ADGRD1: variants seen among roughly 807,000 people sequenced by gnomAD.
The protein encoded by ADGRD1 is G-protein coupled receptor 133.
Under a neutral mutation model 113.4 loss-of-function variants are expected in ADGRD1, and 77 were observed. The ratio of observed to expected loss-of-function variants is 0.68; its 90% CI spans 0.57 to 0.82. The LOEUF is 0.82. Ranked by LOEUF, ADGRD1 falls within the 40% of genes least tolerant of loss-of-function variation. The probability of loss-of-function intolerance (pLI) is 0.00; values close to 1 mark genes in which losing one functional copy is unlikely to be tolerated. For missense variants in ADGRD1, 1,036 were observed against 1,139.1 expected (o/e 0.91, Z 1.30); for synonymous variants, 474 against 475.0 (o/e 1.00, Z 0.03).
chr12:131,067,695 TTC>T (rs1884834466), intron 13 of ADGRD1, among the ~76,000 whole-genome samples: 2 of 97,798 alleles, frequency 2.0e-5, no homozygotes. Context: ...CTGATCCTTC[TTC>T]TGAGCAGGGG....
In ADGRD1 at chr12:131,060,352, C is replaced by G. The variant is rs6486624; in HGVS notation, c.1474-16449C>G. On this transcript the variant is annotated intron_variant, in intron 13 of 24. Coordinates refer to ENST00000261654, the MANE Select transcript of ADGRD1 (RefSeq NM_198827.5). The surrounding 1 kb of genome is among the most constrained non-coding windows in gnomAD (Gnocchi z 4.4). ...ACTGCCTGTCTAGGTGGCCCCTTTC[C>G]TGGTCCTCTGTGGTTACTGGACATA... 0.87 allele frequency among the ~76,000 whole-genome samples: 133,229 copies of G among 152,310 alleles called. 58,797 individuals carry two copies. The highest frequency in any genetic ancestry group is 1 in the East Asian group (5,163 of 5,182).
At chr12:131,100,297 G>A (rs1950040538) in intron 15 of ADGRD1, among the ~76,000 whole-genome samples, 1 of 151,658 alleles carries the variant, frequency 6.6e-6, no homozygotes, top group Non-Finnish European at 1.5e-5. Flanking sequence ...TGGTGGAATT[G>A]GCTGGTAGAT....
At chr12:131,005,336 A>G (rs908388114) in intron 11 of ADGRD1, among the ~76,000 whole-genome samples, 2 of 152,222 alleles carry the variant, frequency 1.3e-5, no homozygotes, top group African/African-American at 4.8e-5. Context: ...TCCTGGCCGC[A>G]TGATCTGCTG....
intron 21 of ADGRD1, among the ~76,000 whole-genome samples, chr12:131,135,750 T>C (rs1268077713): frequency 6.6e-6 from 1 of 152,182 alleles, no homozygotes; most frequent in East Asian, 1.9e-4. Flanking sequence ...ATGCAAGCCC[T>C]GGGCCTGGAC....
rs1405000741 is a variant in ADGRD1, at chr12:131,084,103, G to T, written c.1548-437G>T. Among the ~76,000 whole-genome samples, 2 of 152,130 alleles carry T rather than the reference G, an allele frequency of 1.3e-5. No homozygotes were observed. ...TCTCTCTCCCACACTGCACTCACCC[G>T]TTTCCCCCGATGGGCATTTATGTTA... On this transcript the variant is annotated intron_variant, in intron 14 of 24. Coordinates refer to ENST00000261654, the MANE Select transcript of ADGRD1 (RefSeq NM_198827.5). The surrounding 1 kb of genome is among the most constrained non-coding windows in gnomAD (Gnocchi z 4.5).
chr12:131,031,811 C>A (rs986197178), intron 13 of ADGRD1, among the ~76,000 whole-genome samples: 3 of 152,176 alleles, frequency 2.0e-5, no homozygotes, highest in African/African-American at 7.2e-5. Flanking sequence ...GCTCTGCATA[C>A]CAAACATCCG....
In ADGRD1 at chr12:131,084,513, C is replaced by T. The variant is rs1886311105; in HGVS notation, c.1548-27C>T. The T allele has an allele frequency of 1.2e-6, 2 of 1,613,672 alleles. No individual in the cohort carries two copies. The highest frequency in any genetic ancestry group is 1.3e-5 in the African/African-American group (1 of 74,804). On this transcript the variant is annotated intron_variant, in intron 14 of 24. Transcript: ENST00000261654. This position sits in a 1 kb window ranked among gnomAD's most constrained non-coding sequence, Gnocchi z 4.5. ...CCTGCCAAGGGTGCGGTGCTACCTC[C>T]TCTGATCCTTTCTCCTGTGTCCTCA...
chr12:131,086,456 C>T (rs570372937), intron 15 of ADGRD1, among the ~76,000 whole-genome samples: 88 of 152,318 alleles, frequency 5.8e-4, no homozygotes, highest in South Asian at 1.0e-3. Flanking sequence ...AGGCGCCCCT[C>T]GCTCCCTAAC....
Position 130,992,311 on chromosome 12 carries a change from G to T in ADGRD1, c.885G>T (p.Val295=). The T allele has an allele frequency of 6.2e-7, 1 of 1,612,918 alleles. No individual in the cohort carries two copies. Among genetic ancestry groups the T allele is most frequent in the Non-Finnish European group, 8.5e-7 (1 of 1,179,004 alleles). ...GAAAAACCTTCCAAAGTCCCGGAGTGATACTGAGTTACCTCCAAAATGTAT... is the reference window on the plus strand; with the variant it reads ...GAAAAACCTTCCAAAGTCCCGGAGTTATACTGAGTTACCTCCAAAATGTAT... ...EERKTFQSPG[V]ILSYLQNVSL... is the part of the protein sequence containing the mutation. Residue 295 remains valine, a synonymous_variant, in exon 8 of 25, where the codon GTG becomes GTT. Transcript: ENST00000261654.
At chr12:131,066,529 G>A (rs1884736330) in intron 13 of ADGRD1, among the ~76,000 whole-genome samples, 1 of 152,216 alleles carries the variant, frequency 6.6e-6, no homozygotes, top group African/African-American at 2.4e-5. Context: ...CGAAGTTCAC[G>A]GAGTGCCCCT....
chr12:131,061,325 T>C (rs1253011186), intron 13 of ADGRD1, among the ~76,000 whole-genome samples: 1 of 152,194 alleles, frequency 6.6e-6, no homozygotes, highest in Non-Finnish European at 1.5e-5. Context: ...AGTAGCCAGC[T>C]GTCACCTGCC....
chr12:131,123,038 A>ATTTTTTT, intron 20 of ADGRD1, among the ~76,000 whole-genome samples: 1 of 35,386 alleles, frequency 2.8e-5, no homozygotes, highest in Non-Finnish European at 5.9e-5. Flanking sequence ...TTACCTGGGG[A>ATTTTTTT]GTTTTTTTTT....
At position 131,075,198 on chromosome 12, in the gene ADGRD1, T is replaced by C. The variant is rs1342862392; in HGVS notation, c.1474-1603T>C. Among the ~76,000 whole-genome samples the C allele has an allele frequency of 6.6e-6, 1 of 152,170 alleles. No individual in the cohort carries two copies. Among genetic ancestry groups the C allele is most frequent in the African/African-American group, 2.4e-5 (1 of 41,440 alleles). Reference sequence around the variant, plus strand: ...ACAAATACGCCTCCTTGTTAAAAAATTACATATAACGCTGTCTGCTGGAGG... The same window carrying C: ...ACAAATACGCCTCCTTGTTAAAAAACTACATATAACGCTGTCTGCTGGAGG... On this transcript the variant is annotated intron_variant, in intron 13 of 24. Coordinates refer to ENST00000261654, the MANE Select transcript of ADGRD1 (RefSeq NM_198827.5). The surrounding 1 kb of genome is among the most constrained non-coding windows in gnomAD (Gnocchi z 5.3).
At position 130,955,559 on chromosome 12, in the gene ADGRD1, C is replaced by T. The variant is rs149932882; in HGVS notation, c.103+899C>T. On this transcript the variant is annotated intron_variant, in intron 2 of 24. Coordinates refer to ENST00000261654, the MANE Select transcript of ADGRD1 (RefSeq NM_198827.5). ...TCAGCCAGGGGCAGGGATGGGAAGA[C>T]GAGGCTTTCTGGGAGCAGCAGGCAG... 6.8e-4 allele frequency among the ~76,000 whole-genome samples: 104 copies of T among 152,230 alleles called. 2 individuals are homozygous for T. Among genetic ancestry groups the T allele is most frequent in the South Asian group, 2.1e-3 (10 of 4,820 alleles).
intron 13 of ADGRD1, among the ~76,000 whole-genome samples, chr12:131,071,724 G>A (rs931349401): frequency 4.6e-5 from 7 of 152,200 alleles, no homozygotes; most frequent in Non-Finnish European, 2.9e-5. Flanking sequence ...CCCGGATGCC[G>A]GGTTCAAGGC....
chr12:131,036,364 T>TG (rs1172372698), intron 13 of ADGRD1, among the ~76,000 whole-genome samples: 1 of 146,422 alleles, frequency 6.8e-6, no homozygotes, highest in Non-Finnish European at 1.5e-5. Flanking sequence ...ACTCACTGCA[T>TG]GGGGCCTCAC....
rs1950289313 is a variant in ADGRD1 at position 131,108,815 on chromosome 12, T to C, written c.1979T>C (p.Met660Thr). 1 of 1,612,278 alleles carries C rather than the reference T, an allele frequency of 6.2e-7. No homozygotes were observed. Among genetic ancestry groups the C allele is most frequent in the Non-Finnish European group, 8.5e-7 (1 of 1,179,618 alleles). The change falls in exon 18 of 25, where the codon ATG (methionine) becomes ACG (threonine). Residue 660 changes from methionine (M) to threonine (T), a missense_variant. Transcript: ENST00000261654. ...GTGGAGGGGCTGCACCTCTACAGCA[T>C]GGTGATCAAGGTCTTTGGGTCGGAG... ...MLVEGLHLYS[M>T]VIKVFGSEDS...
intron 8 of ADGRD1, among the ~76,000 whole-genome samples, chr12:130,995,859 TAAACAAGTGAACAA>T (rs1473988710): frequency 2.6e-3 from 394 of 152,266 alleles, no homozygotes; most frequent in African/African-American, 8.9e-3. Flanking sequence ...GGTCAGCAGA[TAAACAAGTGAACAA>T]AGAAACAAGT....
At chr12:130,994,399 T>A (rs1394521339) in intron 8 of ADGRD1, 1 of 275,368 alleles carries the variant, frequency 3.6e-6, no homozygotes, top group East Asian at 9.5e-5. Context: ...GTGCCCTGCC[T>A]GTAGCTAAGG....
Sources: allele counts gnomAD v4.1 joint callset (sites outside exome capture counted in the v4.1 genomes callset), GRCh38; gene constraint gnomAD v4.1.1; non-coding constraint Gnocchi (gnomAD v3.1); transcripts MANE v1.5; gene names NCBI Gene and HGNC (gene_info 2026-07-23, HGNC 2026-07-21).